The following ELOVL5 variants were observed in gnomAD, a reference collection of about 807,000 sequenced individuals.
The protein encoded by ELOVL5 is very long chain fatty acid elongase 5.
A neutral mutation model predicts 38.6 loss-of-function variants in ELOVL5; 8 were observed. The observed-to-expected ratio is 0.21, with a 90% CI of 0.12 to 0.37. ELOVL5 has a LOEUF of 0.37. ELOVL5 is among the 10% of genes least tolerant of loss of function. The pLI is 1.00. For synonymous variants in ELOVL5, 127 were observed against 133.7 expected (o/e 0.95, Z 0.34); for missense variants, 280 against 367.8 (o/e 0.76, Z 1.95).
intron 6 of ELOVL5, among the ~76,000 whole-genome samples, chr6:53,272,363 C>T (rs1338878796): frequency 6.6e-6 from 1 of 152,110 alleles, no homozygotes; most frequent in Admixed American, 6.5e-5. Context: ...TCTTAAACTC[C>T]TGGCCTCAAG....
chr6:53,325,484 T>C (rs1357343491), intron 1 of ELOVL5, among the ~76,000 whole-genome samples: 2 of 152,192 alleles, frequency 1.3e-5, no homozygotes, highest in Non-Finnish European at 1.5e-5. Context: ...AGCACTCTTC[T>C]GGATGCAGTG....
At chr6:53,327,484 A>C (rs1445179156) in intron 1 of ELOVL5, among the ~76,000 whole-genome samples, 3 of 145,236 alleles carry the variant, frequency 2.1e-5, no homozygotes, top group Admixed American at 1.3e-4. Flanking sequence ...CAGAATAGGC[A>C]AATCTACAGA....
chr6:53,272,733 C>G (rs1249847854), intron 6 of ELOVL5, among the ~76,000 whole-genome samples: 1 of 152,146 alleles, frequency 6.6e-6, no homozygotes, highest in East Asian at 1.9e-4. Context: ...GCCATCCTCA[C>G]CAACAGGTGC....
chr6:53,324,150 G>C (rs1768411906), intron 1 of ELOVL5, among the ~76,000 whole-genome samples: 1 of 151,426 alleles, frequency 6.6e-6, no homozygotes, highest in African/African-American at 2.4e-5. Context: ...CTACTCAGGA[G>C]GCTGAAGCAG....
chr6:53,330,872 A>C (rs186063178), intron 1 of ELOVL5, among the ~76,000 whole-genome samples: 27 of 152,078 alleles, frequency 1.8e-4, no homozygotes, highest in African/African-American at 6.3e-4. Context: ...GCCTAGGCCT[A>C]CTCAGGATCT....
chr6:53,278,519 A>G (rs1051524822), intron 3 of ELOVL5, among the ~76,000 whole-genome samples: 3 of 152,238 alleles, frequency 2.0e-5, no homozygotes, highest in African/African-American at 7.2e-5. Flanking sequence ...CTAACGTTCC[A>G]TTTGCCCTCT....
intron 3 of ELOVL5, among the ~76,000 whole-genome samples, chr6:53,276,694 C>G (rs1766144318): frequency 2.6e-5 from 4 of 151,998 alleles, no homozygotes. Context: ...AACATGGGTC[C>G]CTGGGGGTGT....
intron 1 of ELOVL5, among the ~76,000 whole-genome samples, chr6:53,306,898 A>T (rs969375416): frequency 1.3e-5 from 2 of 152,250 alleles, no homozygotes; most frequent in Non-Finnish European, 2.9e-5. Context: ...AGATTGCTGC[A>T]GTTGGACTTA....
chr6:53,331,143 A>C (rs1768784198), intron 1 of ELOVL5, among the ~76,000 whole-genome samples: 1 of 152,102 alleles, frequency 6.6e-6, no homozygotes, highest in Admixed American at 6.5e-5. Context: ...CTGCCTGGGC[A>C]ACACAGTGGG....
intron 1 of ELOVL5, among the ~76,000 whole-genome samples, chr6:53,324,184 C>T (rs529401600): frequency 7.5e-4 from 106 of 141,834 alleles, no homozygotes; most frequent in African/African-American, 2.4e-3. Context: ...ACTTGGAAGG[C>T]GGAGGTTGCA....
chr6:53,280,268 A>T (rs1026991669), intron 3 of ELOVL5, among the ~76,000 whole-genome samples: 1 of 152,218 alleles, frequency 6.6e-6, no homozygotes, highest in Non-Finnish European at 1.5e-5. Flanking sequence ...AGGCCATCAC[A>T]AACAGCTAAC....
chr6:53,271,841 G>A (rs1765943139), intron 6 of ELOVL5, among the ~76,000 whole-genome samples: 1 of 152,136 alleles, frequency 6.6e-6, no homozygotes, highest in Non-Finnish European at 1.5e-5. Flanking sequence ...CTGACAACCT[G>A]GGTAGGTTTA....
At position 53,276,253 on chromosome 6, in the gene ELOVL5, C is replaced by T; in HGVS notation, c.250G>A (p.Val84Ile). The T allele has an allele frequency of 6.2e-7, 1 of 1,609,068 alleles. No individual in the cohort carries two copies. The highest frequency in any genetic ancestry group is 8.5e-7 in the Non-Finnish European group (1 of 1,175,496). The change falls in exon 4 of 8, where the codon GTA becomes ATA. Residue 84 changes from valine to isoleucine, a missense_variant. Physicochemically the swap from Val to Ile is conservative, Grantham distance 29. Around this residue, in one of 3 missense-constraint regions of ELOVL5, gnomAD observed 150 missense variants for 178.0 expected, o/e 0.84. Coordinates refer to ENST00000304434, the MANE Select transcript of ELOVL5 (RefSeq NM_021814.5). Reference sequence around the variant, plus strand: ...TATTTGCCTTCCCATACTCCTGTTACTAACTAAAAAAGAAGAAAGAGCCAG... The same window carrying T: ...TATTTGCCTTCCCATACTCCTGTTATTAACTAAAAAAGAAGAAAGAGCCAG... ...LLSLYMFCELVTGVWEGKYNF... is the reference protein window; with the variant it reads ...LLSLYMFCELITGVWEGKYNF...
At chr6:53,276,120 A>C (rs922008362) in intron 4 of ELOVL5, 59 bp downstream of exon 4, 1 of 1,202,138 alleles carries the variant, frequency 8.3e-7, no homozygotes, top group African/African-American at 1.5e-5. Flanking sequence ...TATTTTATAC[A>C]ATTTATTTTT....
At chr6:53,324,264 A>T (rs796887956) in intron 1 of ELOVL5, among the ~76,000 whole-genome samples, 5 of 151,558 alleles carry the variant, frequency 3.3e-5, no homozygotes, top group African/African-American at 1.2e-4. Flanking sequence ...AAAAAAAAAA[A>T]AAAAAAAAAA....
At chr6:53,318,637 G>A (rs1768152621) in intron 1 of ELOVL5, among the ~76,000 whole-genome samples, 1 of 152,090 alleles carries the variant, frequency 6.6e-6, no homozygotes, top group South Asian at 2.1e-4. Flanking sequence ...CTACTCAGAA[G>A]GCTGAGGTGA....
intron 1 of ELOVL5, among the ~76,000 whole-genome samples, chr6:53,336,723 G>A (rs541834411): frequency 1.8e-4 from 28 of 152,214 alleles, no homozygotes; most frequent in Admixed American, 1.3e-4. Context: ...ACCCTATTCC[G>A]TCCTTGGGAA....
At chr6:53,321,316 T>C (rs923122758) in intron 1 of ELOVL5, among the ~76,000 whole-genome samples, 1 of 152,244 alleles carries the variant, frequency 6.6e-6, no homozygotes, top group Admixed American at 6.5e-5. Flanking sequence ...GGTTCTGCAT[T>C]TGGATCATTT....
At chr6:53,275,055 C>T (rs1200672936) in intron 5 of ELOVL5, 35 bp downstream of exon 5, 3 of 1,606,658 alleles carry the variant, frequency 1.9e-6, no homozygotes, top group African/African-American at 2.7e-5. Context: ...TCCCTGCTCA[C>T]ACCTGTTCCC....
Sources: allele counts gnomAD v4.1 joint callset (sites outside exome capture counted in the v4.1 genomes callset), GRCh38; gene constraint gnomAD v4.1.1; regional missense constraint gnomAD v4.1.1; transcripts MANE v1.5; gene names NCBI Gene and HGNC (gene_info 2026-07-23, HGNC 2026-07-21).